DNAH5: variants seen among roughly 807,000 people sequenced by gnomAD.
DNAH5 encodes the protein dynein axonemal heavy chain 5.
DNAH5 carries 372 observed loss-of-function variants against 518.2 expected under a neutral mutation model. The observed-to-expected ratio is 0.72, with a 90% CI of 0.66 to 0.78. The LOEUF (loss-of-function observed/expected upper bound fraction) is 0.78. DNAH5 is among the 30% of genes least tolerant of loss of function. The pLI is 0.00. For synonymous variants in DNAH5, 2,039 were observed against 2,025.9 expected (o/e 1.01, Z -0.17); for missense variants, 5,523 against 5,687.0 (o/e 0.97, Z 0.93).
rs7724453 is a variant in DNAH5 at position 13,862,491 on chromosome 5, T to G, written c.4796+57A>C. 613,695 of 1,525,402 alleles carry G rather than the reference T, an allele frequency of 0.4. 125,439 individuals are homozygous for G. Among genetic ancestry groups the G allele is most frequent in the South Asian group, 0.47 (41,913 of 88,844 alleles). The allele number at this position is 1,525,402 out of a possible 1,614,324, so 94.5% of individuals were successfully genotyped here. On this transcript the variant is annotated intron_variant, in intron 29 of 78. Transcript: ENST00000265104. ...ATTGTAATGGATTTTTCATTAATTTTAAATGTTTGCTATTACGGTTCTCAA... is the reference window on the plus strand; with the variant it reads ...ATTGTAATGGATTTTTCATTAATTTGAAATGTTTGCTATTACGGTTCTCAA...
rs1740687597 is a variant in DNAH5, at chr5:13,691,524, C to G, written c.*460G>C. 1 of 154,834 alleles carries G rather than the reference C, an allele frequency of 6.5e-6. No homozygotes were observed. The allele number at this position is 154,834 out of a possible 1,614,324, so 9.6% of individuals were successfully genotyped here. On this transcript the variant is annotated 3_prime_UTR_variant, in exon 79 of 79. Coordinates refer to ENST00000265104, the MANE Select transcript of DNAH5 (RefSeq NM_001369.3). ...GTATTTTTAATTGGCTGCTTGAAAC[C>G]CTGAAAATAAGTCTCTTAACTTGAC...
chr5:13,861,562 C>A (rs1768417630), intron 29 of DNAH5, among the ~76,000 whole-genome samples: 1 of 152,018 alleles, frequency 6.6e-6, no homozygotes, highest in South Asian at 2.1e-4. Flanking sequence ...TCAGAAAGAG[C>A]AAATGGAAGC....
rs115004914 is a variant in DNAH5, at chr5:13,900,212, G to T, written c.2253C>A (p.Asn751Lys). The change falls in exon 15 of 79, where the codon AAC becomes AAA. Residue 751 changes from asparagine to lysine, a missense_variant. By Grantham distance (94) the Asn-to-Lys change is moderately conservative. Transcript: ENST00000265104. ...AAAAATAAAAGTAGTATACCTTCAT[G>T]TTACTGAAGTTCCTTTTGTATCTAT... ...KRDRYKRNFSNMKMMLAEYQR... is the reference protein window; with the variant it reads ...KRDRYKRNFSKMKMMLAEYQR... The T allele has an allele frequency of 7.1e-3, 11,418 of 1,612,604 alleles. 132 individuals are homozygous for T. Among genetic ancestry groups the T allele is most frequent in the Middle Eastern group, 0.041 (245 of 6,048 alleles).
At chr5:13,976,700 TATATATATATACACAC>T (rs1782272345) in intron 1 of DNAH5, among the ~76,000 whole-genome samples, 1 of 124,366 alleles carries the variant, frequency 8.0e-6, no homozygotes, top group Non-Finnish European at 1.7e-5. Flanking sequence ...TATATATATA[TATATATATATACACAC>T]ACACACATAC....
At chr5:13,726,315 T>C (rs1745726602) in intron 70 of DNAH5, among the ~76,000 whole-genome samples, 1 of 152,202 alleles carries the variant, frequency 6.6e-6, no homozygotes, top group African/African-American at 2.4e-5. Context: ...AATGGCACCA[T>C]ATTTGCATTT....
intron 50 of DNAH5, among the ~76,000 whole-genome samples, chr5:13,791,114 AG>A (rs2126894365): frequency 6.6e-6 from 1 of 152,156 alleles, no homozygotes; most frequent in East Asian, 1.9e-4. Context: ...TAAAAAAAAA[AG>A]AATCGGCAAG....
Position 13,780,854 on chromosome 5 carries a change from C to G in DNAH5, c.8926G>C (p.Val2976Leu). ...CTCGTCAGAGTGATCTGGAAGGAAA[C>G]GTAGCCAGCAATGAATGAAGCCAAC... is the stretch of plus-strand genomic sequence containing the variant. Reference protein sequence around the residue: ...TRLASFIAGYVSFQITLTRSY... With the variant: ...TRLASFIAGYLSFQITLTRSY... The change falls in exon 53 of 79, where the codon GTT becomes CTT. Residue 2976 changes from valine (V) to leucine (L), a missense_variant. Physicochemically the swap from Val to Leu is conservative, Grantham distance 32. Coordinates refer to ENST00000265104, the MANE Select transcript of DNAH5 (RefSeq NM_001369.3). 1 of 1,613,652 alleles carries G rather than the reference C, an allele frequency of 6.2e-7. No individual in the cohort carries two copies. Among genetic ancestry groups the G allele is most frequent in the South Asian group, 1.1e-5 (1 of 91,068 alleles).
intron 12 of DNAH5, among the ~76,000 whole-genome samples, chr5:13,909,547 C>T (rs6859484): frequency 0.72 from 109,576 of 151,768 alleles, 39,775 homozygotes; most frequent in East Asian, 0.96. Flanking sequence ...GATTATCTTT[C>T]CCTAGGTTCA....
Position 13,922,238 on chromosome 5 carries a change from T to C in DNAH5, c.529A>G (p.Arg177Gly). The C allele has an allele frequency of 6.2e-7, 1 of 1,613,966 alleles. No homozygotes were observed. Among genetic ancestry groups the C allele is most frequent in the Non-Finnish European group, 8.5e-7 (1 of 1,179,956 alleles). The change falls in exon 5 of 79, where the codon AGA becomes GGA. Residue 177 changes from arginine (R) to glycine (G), a missense_variant. Physicochemically the swap from Arg to Gly is moderately radical, Grantham distance 125. Transcript: ENST00000265104. ...TCGCCCCAGCCATGGCTCGTGGCTC[T>C]GAGAGCAGGAATGAAGATGTCCGAC... is the stretch of plus-strand genomic sequence containing the variant. ...LLSDIFIPAL[R>G]ATSHGWGELE...
chr5:13,985,993 A>T (rs542987206), intron 1 of DNAH5, among the ~76,000 whole-genome samples: 193 of 152,262 alleles, frequency 1.3e-3, no homozygotes, highest in African/African-American at 4.5e-3. Flanking sequence ...ACTTTGCATC[A>T]GTTGTCATGA....
intron 1 of DNAH5, among the ~76,000 whole-genome samples, chr5:13,964,366 T>C (rs1206345602): frequency 1.3e-5 from 2 of 152,336 alleles, no homozygotes; most frequent in Admixed American, 6.5e-5. Flanking sequence ...ACTTGGTTGA[T>C]GGTCCTGGAA....
At chr5:13,876,139 G>A (rs548215067) in intron 22 of DNAH5, among the ~76,000 whole-genome samples, 1 of 152,224 alleles carries the variant, frequency 6.6e-6, no homozygotes, top group Admixed American at 6.5e-5. Flanking sequence ...AGTTGAGAGG[G>A]GAGTATGCTG....
Position 13,733,245 on chromosome 5 carries a change from A to G in DNAH5, c.11761+1886T>C, listed in dbSNP as rs544666992. ...TCAAGATCAAGAAAGTGACAAAGCC[A>G]ACACATATTTTAACTCTCAACTTCC... On this transcript the variant is annotated intron_variant, in intron 68 of 78. Coordinates refer to ENST00000265104, the MANE Select transcript of DNAH5 (RefSeq NM_001369.3). Among the ~76,000 whole-genome samples, 149 of 152,346 alleles carry G rather than the reference A, an allele frequency of 9.8e-4. 1 individual carries two copies. The highest frequency in any genetic ancestry group is 3.3e-3 in the African/African-American group (139 of 41,582).
At chr5:13,843,936 T>C (rs114999381) in intron 32 of DNAH5, among the ~76,000 whole-genome samples, 23,508 of 150,074 alleles carry the variant, frequency 0.16, 1,863 homozygotes, top group Admixed American at 0.19. Context: ...TTGAGTGTAG[T>C]ACATAAAACT....
At chr5:13,859,672 G>C (rs1370425280) in intron 29 of DNAH5, 67 bp from the exon 30 acceptor site, 1 of 1,518,254 alleles carries the variant, frequency 6.6e-7, no homozygotes, top group African/African-American at 1.4e-5. Context: ...AATTAAAAAG[G>C]TTTTTAAAAA....
upstream of DNAH5, among the ~76,000 whole-genome samples, chr5:13,947,094 C>T (rs1779988711): frequency 6.6e-6 from 1 of 152,044 alleles, no homozygotes; most frequent in Admixed American, 6.5e-5. Context: ...TTATTCTTGC[C>T]TTTACTGGGG....
In DNAH5 at chr5:13,919,160, T is replaced by C. The variant is rs772905196; in HGVS notation, c.975+16A>G. On this transcript the variant is annotated intron_variant, in intron 7 of 78. Transcript: ENST00000265104. ...CTTATTCCCATTTCACAAGGCAAAATGAAATGGCTGACGACCTTCAGCAGT... is the reference window on the plus strand; with the variant it reads ...CTTATTCCCATTTCACAAGGCAAAACGAAATGGCTGACGACCTTCAGCAGT... 1.2e-6 allele frequency: 2 copies of C among 1,613,928 alleles called. No homozygotes were observed. Among genetic ancestry groups the C allele is most frequent in the Admixed American group, 3.3e-5 (2 of 60,012 alleles).
At chr5:13,796,556 C>T (rs923581556) in intron 47 of DNAH5, among the ~76,000 whole-genome samples, 7 of 151,828 alleles carry the variant, frequency 4.6e-5, no homozygotes, top group African/African-American at 9.7e-5. Context: ...AAAGAGGACA[C>T]GAAAAAATGG....
chr5:13,949,103 T>C (rs572717182), upstream of DNAH5, among the ~76,000 whole-genome samples: 3 of 152,316 alleles, frequency 2.0e-5, no homozygotes, highest in South Asian at 4.1e-4. Flanking sequence ...GAGGATTCCA[T>C]GTTTCCCAGC....
Sources: gnomAD v4.1 joint callset for allele counts (sites outside exome capture counted in the v4.1 genomes callset) on GRCh38, gnomAD v4.1.1 for gene constraint, MANE v1.5 for transcripts, NCBI Gene and HGNC (gene_info 2026-07-23, HGNC 2026-07-21) for gene names.